Variants in FANCI observed in about 807,000 individuals in gnomAD.
The protein encoded by FANCI is Fanconi anemia group I protein.
A neutral mutation model predicts 176.1 loss-of-function variants in FANCI; 156 were observed. The observed-to-expected ratio is 0.89, with a 90% CI of 0.78 to 1.01. The LOEUF (loss-of-function observed/expected upper bound fraction) is 1.01. Among genes scored for constraint, FANCI ranks in the 50% least tolerant of loss-of-function variants. The probability of loss-of-function intolerance (pLI) is 0.00; values close to 1 mark genes in which losing one functional copy is unlikely to be tolerated. For synonymous variants in FANCI, 613 were observed against 541.7 expected (o/e 1.13, Z -1.83); for missense variants, 1,678 against 1,534.1 (o/e 1.09, Z -1.57).
intron 25 of FANCI, 41 bp from the exon 26 acceptor site, chr15:89,300,259 G>A: frequency 6.3e-7 from 1 of 1,588,692 alleles, no homozygotes. Flanking sequence ...AAAAGTATGA[G>A]TTTATATCAA....
chr15:89,301,456 T>C lies in FANCI; in HGVS notation c.3006+14T>C. ...TCCTCTCCTCAGGTACTAGTACCGC[T>C]AACTTAATCCCATTTAGCATTCCTC... On this transcript the variant is annotated intron_variant, in intron 27 of 37. Coordinates refer to ENST00000310775, the MANE Select transcript of FANCI (RefSeq NM_001113378.2). 6.5e-7 allele frequency: 1 copy of C among 1,537,434 alleles called. No individual in the cohort carries two copies.
chr15:89,288,044 A>T (rs972481392), intron 18 of FANCI, among the ~76,000 whole-genome samples: 4 of 152,194 alleles, frequency 2.6e-5, no homozygotes, highest in Non-Finnish European at 4.4e-5. Context: ...GTACTGAGAG[A>T]CTTGCTTGAT....
chr15:89,255,321 G>C (rs890064116), intron 2 of FANCI, among the ~76,000 whole-genome samples: 48 of 152,174 alleles, frequency 3.2e-4, no homozygotes, highest in African/African-American at 1.1e-3. Flanking sequence ...CTTGATGTCA[G>C]TGTTATTCCT....
rs1390846937 is a variant in FANCI at position 89,260,935 on chromosome 15, C to T, written c.288+92C>T. ...AGGAAAACTTAAGTGCCCAACCTAGCATAGTCCTTATTTATGAGTAAGACC... is the reference window on the plus strand; with the variant it reads ...AGGAAAACTTAAGTGCCCAACCTAGTATAGTCCTTATTTATGAGTAAGACC... On this transcript the variant is annotated intron_variant, in intron 4 of 37. Coordinates refer to ENST00000310775, the MANE Select transcript of FANCI (RefSeq NM_001113378.2). 5.4e-6 allele frequency: 8 copies of T among 1,475,358 alleles called. No homozygotes were observed. The Admixed American group carries it at 1.0e-4, about 19-fold the overall frequency. The allele number at this position is 1,475,358 out of a possible 1,614,324, so 91.4% of individuals were successfully genotyped here. A position where few individuals can be genotyped will look rare whatever the true frequency, so the allele number is the denominator to read the frequency against.
In FANCI at chr15:89,300,324, A is replaced by G. The variant is rs1223552282; in HGVS notation, c.2828A>G (p.Glu943Gly). 7.4e-6 allele frequency: 12 copies of G among 1,613,850 alleles called. No individual in the cohort carries two copies. In the Admixed American group the frequency reaches 2.0e-4, roughly 27 times the overall value. Residue 943 changes from glutamate to glycine, a missense_variant, in exon 26 of 38, where the codon GAG becomes GGG. Physicochemically the swap from Glu to Gly is moderately conservative, Grantham distance 98. This residue lies in a region of FANCI where 1,204 missense variants were observed against 1,077.4 expected (regional missense o/e 1.12). Transcript: ENST00000310775. ...GATGTCACAGATAAGGAAGGAGAAG[A>G]GAGAGAAGATGCAGATGTCAGTGTC... ...ALDVTDKEGE[E>G]REDADVSVTQ...
chr15:89,307,853 G>A (rs1031001618), intron 34 of FANCI, 181 bp downstream of exon 34: 1 of 1,471,936 alleles, frequency 6.8e-7, no homozygotes, highest in Admixed American at 2.6e-5. Context: ...ACATCTTTAT[G>A]TAAAGAAAAC....
In FANCI at chr15:89,316,795, G is replaced by C; in HGVS notation, c.*336G>C. 6.2e-7 allele frequency: 1 copy of C among 1,613,950 alleles called. No homozygotes were observed. On this transcript the variant is annotated 3_prime_UTR_variant, in exon 38 of 38. Coordinates refer to ENST00000310775, the MANE Select transcript of FANCI (RefSeq NM_001113378.2). ...CGTTTTTCCAAGGAGCCTTTGGTGA[G>C]TTCAATTATCTGGTAAATATCCAGC...
intron 2 of FANCI, among the ~76,000 whole-genome samples, chr15:89,255,635 A>G (rs2052460066): frequency 6.6e-6 from 1 of 152,212 alleles, no homozygotes; most frequent in Non-Finnish European, 1.5e-5. Flanking sequence ...ACATCAGACA[A>G]CACAAAATGA....
intron 1 of FANCI, 128 bp from the exon 2 acceptor site, chr15:89,247,501 A>C: frequency 2.8e-6 from 2 of 720,152 alleles, no homozygotes; most frequent in Non-Finnish European, 5.1e-6. Flanking sequence ...CTACTTAAAG[A>C]TAGTCCTAAG....
chr15:89,256,590 T>A (rs537060739), intron 2 of FANCI, among the ~76,000 whole-genome samples: 7 of 152,352 alleles, frequency 4.6e-5, no homozygotes, highest in African/African-American at 1.7e-4. Flanking sequence ...GCTTCTCTTT[T>A]TAATGACTGA....
chr15:89,310,879 C>CT (rs1567177673), intron 34 of FANCI, among the ~76,000 whole-genome samples: 1 of 151,920 alleles, frequency 6.6e-6, no homozygotes, highest in East Asian at 1.9e-4. Context: ...AATCCCAGCA[C>CT]TTTGGGAGGC....
chr15:89,292,879 C>T lies in FANCI; in HGVS notation c.2169+15C>T, dbSNP rs1219760137. On this transcript the variant is annotated intron_variant, in intron 21 of 37. Transcript: ENST00000310775. ...ACTTTGAACTGGTAATTGCTAAGTC[C>T]TCAGCTGTATTGAATGATGGAGTTC... is the stretch of plus-strand genomic sequence containing the variant. 2 of 1,613,814 alleles carry T rather than the reference C, an allele frequency of 1.2e-6. No individual in the cohort carries two copies. The highest frequency in any genetic ancestry group is 1.7e-6 in the Non-Finnish European group (2 of 1,179,976).
chr15:89,296,057 TC>T (rs1263483690), intron 24 of FANCI, among the ~76,000 whole-genome samples: 1 of 152,182 alleles, frequency 6.6e-6, no homozygotes, highest in Admixed American at 6.5e-5. Flanking sequence ...AACCTCGGCC[TC>T]CCCGGTTCAA....
At position 89,292,976 on chromosome 15, in the gene FANCI, T is replaced by G. The variant is rs911033971; in HGVS notation, c.2204T>G (p.Ile735Ser). The G allele has an allele frequency of 6.2e-7, 1 of 1,614,138 alleles. No individual in the cohort carries two copies. The highest frequency in any genetic ancestry group is 1.7e-5 in the Admixed American group (1 of 60,024). The change falls in exon 22 of 38, where the codon ATT becomes AGT. Residue 735 changes from isoleucine (I) to serine (S), a missense_variant. Coordinates refer to ENST00000310775, the MANE Select transcript of FANCI (RefSeq NM_001113378.2). ...KSADFSQSTSIGIKNNICAFL... is the reference protein window; with the variant it reads ...KSADFSQSTSSGIKNNICAFL... ...GCAGATTTTTCTCAGAGCACCAGTATTGGCATAAAAAATAATATCTGTGCT... is the reference window on the plus strand; with the variant it reads ...GCAGATTTTTCTCAGAGCACCAGTAGTGGCATAAAAAATAATATCTGTGCT...
In FANCI at chr15:89,316,562, T is replaced by TGGTTCTGAACCCACTGAATTCAACTGCA. The variant is rs2055272221; in HGVS notation, c.*104_*131dup. On this transcript the variant is annotated 3_prime_UTR_variant, in exon 38 of 38. Coordinates refer to ENST00000310775, the MANE Select transcript of FANCI (RefSeq NM_001113378.2). ...GTAGTCCACACCGATGTTGGCATCT[T>TGGTTCTGAACCCACTGAATTCAACTGCA]GGTTCTGAACCCACTGAATTCAACT... The TGGTTCTGAACCCACTGAATTCAACTGCA allele has an allele frequency of 7.7e-7, 1 of 1,295,926 alleles. No homozygotes were observed. Among genetic ancestry groups the TGGTTCTGAACCCACTGAATTCAACTGCA allele is most frequent in the Non-Finnish European group, 1.1e-6 (1 of 910,924 alleles). 80.3% of individuals were successfully genotyped at this position (1,295,926 alleles called of 1,614,324 possible). A position where few individuals can be genotyped will look rare whatever the true frequency, so the allele number is the denominator to read the frequency against.
At chr15:89,310,933 G>A (rs1284891784) in intron 34 of FANCI, among the ~76,000 whole-genome samples, 1 of 152,040 alleles carries the variant, frequency 6.6e-6, no homozygotes, top group Admixed American at 6.6e-5. Context: ...GACCAGCCTG[G>A]CCAACATGGT....
At position 89,303,888 on chromosome 15, in the gene FANCI, T is replaced by A; in HGVS notation, c.3031T>A (p.Ser1011Thr). Residue 1011 changes from serine (S) to threonine (T), a missense_variant, in exon 28 of 38, where the codon TCA (serine) becomes ACA (threonine). Coordinates refer to ENST00000310775, the MANE Select transcript of FANCI (RefSeq NM_001113378.2). ...PQFVQMLSWT[S>T]KICKENSRED... ...GTTTGTGCAGATGTTATCCTGGACA[T>A]CAAAGATTTGCAAGGAAAACAGCCG... 1 of 1,614,116 alleles carries A rather than the reference T, an allele frequency of 6.2e-7. No individual in the cohort carries two copies. Among genetic ancestry groups the A allele is most frequent in the East Asian group, 2.2e-5 (1 of 44,864 alleles).
chr15:89,279,285 G>C (rs190428419), intron 14 of FANCI, among the ~76,000 whole-genome samples: 1 of 152,270 alleles, frequency 6.6e-6, no homozygotes, highest in East Asian at 1.9e-4. Flanking sequence ...AGCCTCCTCA[G>C]TAGCTGGGAT....
intron 2 of FANCI, among the ~76,000 whole-genome samples, chr15:89,256,787 T>C (rs16942906): frequency 0.02 from 3,049 of 152,216 alleles, 110 homozygotes; most frequent in African/African-American, 0.067. Flanking sequence ...TTTAGTAAGC[T>C]CTCAGGGTGA....
Sources: allele counts gnomAD v4.1 joint callset (sites outside exome capture counted in the v4.1 genomes callset), GRCh38; gene constraint gnomAD v4.1.1; regional missense constraint gnomAD v4.1.1; transcripts MANE v1.5; gene names NCBI Gene and HGNC (gene_info 2026-07-23, HGNC 2026-07-21).